VWC2: variants seen among roughly 807,000 people sequenced by gnomAD.
The protein encoded by VWC2 is von Willebrand factor C domain containing 2.
Under a neutral mutation model 29.8 loss-of-function variants are expected in VWC2, and 14 were observed. The observed-to-expected ratio is 0.47, with a 90% CI of 0.31 to 0.74. The LOEUF (loss-of-function observed/expected upper bound fraction) is 0.74. Among genes scored for constraint, VWC2 ranks in the 30% least tolerant of loss-of-function variants. The pLI, the probability that VWC2 is intolerant of heterozygous loss-of-function variation, is 0.05. For synonymous variants in VWC2, 213 were observed against 199.0 expected (o/e 1.07, Z -0.59); for missense variants, 457 against 459.8 (o/e 0.99, Z 0.05).
At chr7:49,784,911 A>G (rs577248480) in intron 2 of VWC2, among the ~76,000 whole-genome samples, 2 of 152,330 alleles carry the variant, frequency 1.3e-5, no homozygotes, top group South Asian at 4.1e-4. Context: ...AGAAAGGGCA[A>G]TGTGAGCAAG....
intron 2 of VWC2, among the ~76,000 whole-genome samples, chr7:49,799,016 A>G (rs138868972): frequency 6.6e-6 from 1 of 152,328 alleles, no homozygotes; most frequent in East Asian, 1.9e-4. Context: ...GAGGGGGCAT[A>G]GGCCACTGCT....
intron 3 of VWC2, among the ~76,000 whole-genome samples, chr7:49,811,536 A>T (rs770301381): frequency 6.6e-5 from 10 of 152,224 alleles, no homozygotes; most frequent in Non-Finnish European, 1.3e-4. Context: ...AGCCACACAG[A>T]ACTGTGAGTC....
At chr7:49,780,050 CA>C (rs1438135695) in intron 2 of VWC2, among the ~76,000 whole-genome samples, 1 of 152,198 alleles carries the variant, frequency 6.6e-6, no homozygotes, top group Non-Finnish European at 1.5e-5. Context: ...TAGCCCAAAA[CA>C]TAGTGTCAAT....
intron 2 of VWC2, among the ~76,000 whole-genome samples, chr7:49,799,921 A>G (rs944032112): frequency 1.3e-5 from 2 of 152,248 alleles, no homozygotes; most frequent in African/African-American, 2.4e-5. Context: ...TTTTGTATCT[A>G]AACATAGAAA....
intron 3 of VWC2, among the ~76,000 whole-genome samples, chr7:49,874,119 C>A (rs944796493): frequency 2.0e-5 from 3 of 152,020 alleles, no homozygotes; most frequent in African/African-American, 4.8e-5. Context: ...GCAAAGGATG[C>A]CCTTGCTCTA....
intron 3 of VWC2, among the ~76,000 whole-genome samples, chr7:49,835,587 C>T (rs1312043003): frequency 3.3e-5 from 5 of 151,912 alleles, no homozygotes; most frequent in South Asian, 2.1e-4. Flanking sequence ...AAAAGGAGGA[C>T]GGAGAGGGAA....
intron 3 of VWC2, among the ~76,000 whole-genome samples, chr7:49,901,466 A>C: frequency 6.6e-6 from 1 of 151,980 alleles, no homozygotes; most frequent in East Asian, 1.9e-4. Flanking sequence ...TATTACTATC[A>C]CCAAAAAGAA....
At chr7:49,811,831 A>G (rs1430771690) in intron 3 of VWC2, among the ~76,000 whole-genome samples, 1 of 152,232 alleles carries the variant, frequency 6.6e-6, no homozygotes, top group Non-Finnish European at 1.5e-5. Flanking sequence ...CAAAATGAGA[A>G]CATATTTCCA....
At chr7:49,910,612 A>C (rs1793355815) in intron 3 of VWC2, among the ~76,000 whole-genome samples, 1 of 152,240 alleles carries the variant, frequency 6.6e-6, no homozygotes, top group Admixed American at 6.5e-5. Flanking sequence ...TTTTAAAAAA[A>C]AATGTGTTTT....
chr7:49,880,208 T>C (rs1583742362), intron 3 of VWC2, among the ~76,000 whole-genome samples: 1 of 152,220 alleles, frequency 6.6e-6, no homozygotes, highest in Non-Finnish European at 1.5e-5. Context: ...CTTCTTCATA[T>C]GATAATGGTT....
chr7:49,831,576 C>T (rs1045689044), intron 3 of VWC2, among the ~76,000 whole-genome samples: 13 of 152,114 alleles, frequency 8.5e-5, no homozygotes, highest in African/African-American at 2.4e-5. Flanking sequence ...AGGAGACACT[C>T]CTCATACCGA....
intron 3 of VWC2, among the ~76,000 whole-genome samples, chr7:49,813,482 T>C (rs1229666899): frequency 1.3e-5 from 2 of 152,252 alleles, no homozygotes; most frequent in Admixed American, 6.5e-5. Flanking sequence ...CTTCTGCTGC[T>C]GCTTTGAGAG....
chr7:49,883,191 A>C (rs1195023236), intron 3 of VWC2, among the ~76,000 whole-genome samples: 1 of 152,054 alleles, frequency 6.6e-6, no homozygotes, highest in Non-Finnish European at 1.5e-5. Flanking sequence ...GAGGAGAAGC[A>C]GGCAATGAAG....
At chr7:49,857,009 C>CAAAAAAAAAAAAAAA (rs59910243) in intron 3 of VWC2, among the ~76,000 whole-genome samples, 16 of 52,786 alleles carry the variant, frequency 3.0e-4, no homozygotes, top group Admixed American at 2.3e-3. Flanking sequence ...GATACTGTCT[C>CAAAAAAAAAAAAAAA]AAAAAAAAAA....
chr7:49,808,846 C>A lies in VWC2; in HGVS notation c.826+6006C>A, dbSNP rs375937016. On this transcript the variant is annotated intron_variant, in intron 3 of 3. Coordinates refer to ENST00000340652, the MANE Select transcript of VWC2 (RefSeq NM_198570.5). The stretch of plus-strand genomic sequence containing the variant: ...CTTTGAACTGATTTAATAATGAAAA[C>A]AGAATGCACTATAGATTATTGGATG... 1.8e-4 allele frequency among the ~76,000 whole-genome samples: 27 copies of A among 151,992 alleles called. No homozygotes were observed. In the East Asian group the frequency reaches 1.9e-3, roughly 11 times the overall value.
downstream of VWC2, chr7:49,922,043 A>T (rs1041119641): frequency 6.6e-6 from 1 of 152,208 alleles, no homozygotes; most frequent in African/African-American, 2.4e-5. Context: ...TAAAATGTAT[A>T]TACGTCATTA....
At chr7:49,790,337 GTGT>G (rs1274907418) in intron 2 of VWC2, among the ~76,000 whole-genome samples, 2 of 152,172 alleles carry the variant, frequency 1.3e-5, no homozygotes, top group Non-Finnish European at 2.9e-5. Flanking sequence ...TTAATCTATT[GTGT>G]TGTATGTGGA....
chr7:49,818,299 A>G (rs1430758317), intron 3 of VWC2, among the ~76,000 whole-genome samples: 1 of 152,226 alleles, frequency 6.6e-6, no homozygotes, highest in Non-Finnish European at 1.5e-5. Flanking sequence ...CTAAAAATCT[A>G]TTATTCTTTG....
chr7:49,876,047 A>T (rs1239646987), intron 3 of VWC2, among the ~76,000 whole-genome samples: 1 of 152,192 alleles, frequency 6.6e-6, no homozygotes, highest in East Asian at 1.9e-4. Flanking sequence ...TGACCTGTGT[A>T]TCAAGTATCA....
Sources: gnomAD v4.1 joint callset for allele counts (sites outside exome capture counted in the v4.1 genomes callset) on GRCh38, gnomAD v4.1.1 for gene constraint, MANE v1.5 for transcripts, NCBI Gene and HGNC (gene_info 2026-07-23, HGNC 2026-07-21) for gene names.